Variants in TENM4 observed in about 807,000 individuals in gnomAD.
TENM4 encodes the protein teneurin transmembrane protein 4, also known as teneurin-4.
A neutral mutation model predicts 243.3 loss-of-function variants in TENM4; 82 were observed. That is an observed-to-expected ratio of 0.34 (90% CI 0.28 to 0.40). The LOEUF is 0.40. Among genes scored for constraint, TENM4 ranks in the 10% least tolerant of loss-of-function variants. The pLI, the probability that TENM4 is intolerant of heterozygous loss-of-function variation, is 1.00. For synonymous variants in TENM4, 1,412 were observed against 1,456.3 expected (o/e 0.97, Z 0.69); for missense variants, 3,138 against 3,673.3 (o/e 0.85, Z 3.77).
chr11:79,306,363 A>G (rs1856625889), intron 1 of TENM4, among the ~76,000 whole-genome samples: 2 of 152,122 alleles, frequency 1.3e-5, no homozygotes, highest in Admixed American at 1.3e-4. Flanking sequence ...GCTTTATAGA[A>G]GAGGAGCACA....
intron 6 of TENM4, among the ~76,000 whole-genome samples, chr11:78,945,874 T>G (rs961628536): frequency 6.6e-6 from 1 of 152,188 alleles, no homozygotes; most frequent in Non-Finnish European, 1.5e-5. Flanking sequence ...TCTTTTCAAT[T>G]CTGTGAAGTC....
intron 6 of TENM4, among the ~76,000 whole-genome samples, chr11:78,971,020 A>C (rs1298009707): frequency 6.6e-6 from 1 of 151,964 alleles, no homozygotes; most frequent in East Asian, 1.9e-4. Context: ...TTATTTAAAA[A>C]ATTTATTTTA....
chr11:78,862,952 G>A lies in TENM4; in HGVS notation c.1255+10C>T, dbSNP rs1394145740. The A allele has an allele frequency of 4.9e-6, 7 of 1,436,690 alleles. No homozygotes were observed. In the Admixed American group the frequency reaches 1.2e-4, roughly 24 times the overall value. The allele number at this position is 1,436,690 out of a possible 1,614,324, so 89.0% of individuals were successfully genotyped here. A position where few individuals can be genotyped will look rare whatever the true frequency, so the allele number is the denominator to read the frequency against. On this transcript the variant is annotated intron_variant, in intron 10 of 33. Coordinates refer to ENST00000278550, the MANE Select transcript of TENM4 (RefSeq NM_001098816.3). ...GAGGACTCACAACACGGACAACGCA[G>A]CAACCCTACCTTCTGTGGTTCCTTT...
At chr11:78,834,556 T>TC (rs149166682) in intron 12 of TENM4, among the ~76,000 whole-genome samples, 1 of 152,090 alleles carries the variant, frequency 6.6e-6, no homozygotes, top group Non-Finnish European at 1.5e-5. Context: ...AGTCTTTTGG[T>TC]CCCCCCACTC....
intron 1 of TENM4, among the ~76,000 whole-genome samples, chr11:79,323,902 CAT>C (rs1555048654): frequency 6.6e-6 from 1 of 151,068 alleles, no homozygotes; most frequent in African/African-American, 2.4e-5. Context: ...CACACACACA[CAT>C]ATATACACTG....
intron 3 of TENM4, among the ~76,000 whole-genome samples, chr11:79,167,710 G>A (rs1023249713): frequency 1.3e-5 from 2 of 152,132 alleles, no homozygotes; most frequent in Admixed American, 1.3e-4. Flanking sequence ...AAGGTGGCAG[G>A]GTAGGAGGGG....
At chr11:78,939,384 G>A (rs548987650) in intron 6 of TENM4, among the ~76,000 whole-genome samples, 32 of 152,294 alleles carry the variant, frequency 2.1e-4, no homozygotes, top group African/African-American at 7.7e-4. Context: ...AACTGGCCCC[G>A]AAGGCCCTTC....
chr11:78,998,137 C>T (rs1858223904), intron 6 of TENM4, among the ~76,000 whole-genome samples: 1 of 152,152 alleles, frequency 6.6e-6, no homozygotes. Context: ...TGTTATAGCA[C>T]CCCAAGCTGA....
intron 1 of TENM4, among the ~76,000 whole-genome samples, chr11:79,347,828 G>A (rs930638833): frequency 5.9e-5 from 8 of 135,462 alleles, no homozygotes; most frequent in South Asian, 2.4e-4. Context: ...ACCGGACTGC[G>A]GACTGCAGTG....
intron 4 of TENM4, among the ~76,000 whole-genome samples, chr11:79,134,096 C>T (rs888441727): frequency 6.6e-6 from 1 of 152,064 alleles, no homozygotes; most frequent in East Asian, 1.9e-4. Context: ...ACCTTGAAAG[C>T]CCTAAAGACT....
At chr11:79,220,386 G>A (rs922122644) in intron 2 of TENM4, among the ~76,000 whole-genome samples, 4 of 152,222 alleles carry the variant, frequency 2.6e-5, no homozygotes, top group African/African-American at 9.6e-5. Context: ...TGGAAGCAGA[G>A]TGGGGCTGAA....
Position 78,703,047 on chromosome 11 carries a change from T to C in TENM4, c.4210-644A>G, listed in dbSNP as rs150005530. On this transcript the variant is annotated intron_variant, in intron 27 of 33. Transcript: ENST00000278550. Reference sequence around the variant, plus strand: ...GTCTGTCATAGTTCTAGACCAGTGATTCTCAAATCTGGCCTCACATTCAAA... The same window carrying C: ...GTCTGTCATAGTTCTAGACCAGTGACTCTCAAATCTGGCCTCACATTCAAA... Among the ~76,000 whole-genome samples, 366 of 152,348 alleles carry C rather than the reference T, an allele frequency of 2.4e-3. 2 individuals carry two copies. The highest frequency in any genetic ancestry group is 8.5e-3 in the African/African-American group (353 of 41,584).
chr11:79,064,983 A>G lies in TENM4; in HGVS notation c.248T>C (p.Leu83Pro), dbSNP rs1480046455. 2.1e-6 allele frequency: 3 copies of G among 1,462,894 alleles called. No individual in the cohort carries two copies. Among genetic ancestry groups the G allele is most frequent in the Non-Finnish European group, 2.7e-6 (3 of 1,102,780 alleles). The allele number at this position is 1,462,894 out of a possible 1,614,324, so 90.6% of individuals were successfully genotyped here. ...RTGANFTLRE[L>P]GLEEVTPPHG... ...AGGGGGCGTTACTTCTTCCAGCCCC[A>G]GCTCCCGCAGGGTGAAGTTGGCACC... The change falls in exon 6 of 34, where the codon CTG becomes CCG. Residue 83 changes from leucine (L) to proline (P), a missense_variant. Leu to Pro is a moderately conservative substitution (Grantham distance 98). This residue lies in a region of TENM4 where 671 missense variants were observed against 614.1 expected (regional missense o/e 1.09). Transcript: ENST00000278550.
At chr11:79,128,110 G>A (rs1435409800) in intron 4 of TENM4, among the ~76,000 whole-genome samples, 1 of 152,216 alleles carries the variant, frequency 6.6e-6, no homozygotes, top group Non-Finnish European at 1.5e-5. Context: ...CAGATCCAAT[G>A]GTGCTTGAGG....
chr11:78,790,327 C>T (rs1241390014), intron 15 of TENM4, among the ~76,000 whole-genome samples: 2 of 152,256 alleles, frequency 1.3e-5, no homozygotes, highest in African/African-American at 4.8e-5. Context: ...AATCTGCAAG[C>T]TGCCAATTAT....
intron 2 of TENM4, among the ~76,000 whole-genome samples, chr11:79,230,385 C>T (rs1404730731): frequency 3.3e-5 from 5 of 152,296 alleles, no homozygotes; most frequent in Non-Finnish European, 4.4e-5. Context: ...ACTAGACTTC[C>T]GATCTTGAAC....
chr11:78,662,247 AGTGGC>A (rs1858049635), intron 32 of TENM4, among the ~76,000 whole-genome samples: 1 of 148,626 alleles, frequency 6.7e-6, no homozygotes, highest in Admixed American at 6.8e-5. Context: ...GCTGGAGTGC[AGTGGC>A]GTGATCTTGG....
chr11:79,102,154 A>G (rs1861248401), intron 4 of TENM4, among the ~76,000 whole-genome samples: 1 of 152,254 alleles, frequency 6.6e-6, no homozygotes, highest in Admixed American at 6.5e-5. Context: ...TGATCAGGAC[A>G]GTGTCTGACA....
In TENM4 at chr11:79,157,545, A is replaced by G. The variant is rs568656868; in HGVS notation, c.-162-8739T>C. 4.6e-5 allele frequency among the ~76,000 whole-genome samples: 7 copies of G among 152,276 alleles called. No individual in the cohort carries two copies. The South Asian group carries it at 1.5e-3, about 32-fold the overall frequency. ...ACCCAGGTCTTGCCATCTGTAACTC[A>G]GTACTCTCCTAGTACTCACCCAGGC... On this transcript the variant is annotated intron_variant, in intron 3 of 33. Transcript: ENST00000278550.
Sources: allele counts gnomAD v4.1 joint callset (sites outside exome capture counted in the v4.1 genomes callset), GRCh38; gene constraint gnomAD v4.1.1; regional missense constraint gnomAD v4.1.1; transcripts MANE v1.5; gene names NCBI Gene and HGNC (gene_info 2026-07-23, HGNC 2026-07-21).